The following ASAP1 variants were observed in gnomAD, a reference collection of about 807,000 sequenced individuals.
ASAP1 encodes the protein ArfGAP with SH3 domain, ankyrin repeat and PH domain 1.
In ASAP1, 43 loss-of-function variants were observed where a neutral mutation model predicts 145.2. The ratio of observed to expected loss-of-function variants is 0.30; its 90% CI spans 0.23 to 0.38. The LOEUF is 0.38. Among genes scored for constraint, ASAP1 ranks in the 10% least tolerant of loss-of-function variants. The pLI is 1.00. For synonymous variants in ASAP1, 546 were observed against 515.5 expected, an observed-to-expected ratio of 1.06 and a Z score of -0.80; for missense variants, 1,018 against 1,355.3, an observed-to-expected ratio of 0.75 and a Z score of 3.91.
chr8:130,060,809 C>G lies in ASAP1; in HGVS notation c.2962G>C (p.Asp988His). ...CCCAGCTGTGGTTTGGGGGGCAGGTCCTTCATCTGTGGTTTGGGAGGTAAG... is the reference window on the plus strand; with the variant it reads ...CCCAGCTGTGGTTTGGGGGGCAGGTGCTTCATCTGTGGTTTGGGAGGTAAG... Reference protein sequence around the residue: ...SDLPPKPQMKDLPPKPQLGDL... With the variant: ...SDLPPKPQMKHLPPKPQLGDL... Residue 988 changes from aspartate (D) to histidine (H), a missense_variant, in exon 28 of 30, where the codon GAC (aspartate) becomes CAC (histidine). Physicochemically the swap from Asp to His is moderately conservative, Grantham distance 81 (BLOSUM62 -1). This residue lies in a region of ASAP1 where 139 missense variants were observed against 131.0 expected (regional missense o/e 1.06). Coordinates refer to ENST00000518721, the MANE Select transcript of ASAP1 (RefSeq NM_018482.4). The G allele has an allele frequency of 6.2e-7, 1 of 1,613,966 alleles. No individual in the cohort carries two copies. Among genetic ancestry groups the G allele is most frequent in the Admixed American group, 1.7e-5 (1 of 59,988 alleles).
intron 3 of ASAP1, among the ~76,000 whole-genome samples, chr8:130,330,726 T>C (rs989776403): frequency 2.0e-5 from 3 of 152,198 alleles, no homozygotes; most frequent in Non-Finnish European, 4.4e-5. Context: ...GGTATCTCTA[T>C]GGGGAAAGGG....
intron 18 of ASAP1, among the ~76,000 whole-genome samples, chr8:130,123,256 T>A (rs1359813634): frequency 6.6e-6 from 1 of 152,210 alleles, no homozygotes; most frequent in Non-Finnish European, 1.5e-5. Flanking sequence ...GGTTAATTTG[T>A]TTTTCATAGT....
At chr8:130,328,029 T>C (rs1020446771) in intron 3 of ASAP1, among the ~76,000 whole-genome samples, 4 of 152,098 alleles carry the variant, frequency 2.6e-5, no homozygotes, top group African/African-American at 7.2e-5. Flanking sequence ...GAAAAATATA[T>C]ATATACACAC....
chr8:130,113,340 G>C (rs2135594859), intron 23 of ASAP1, among the ~76,000 whole-genome samples: 1 of 152,244 alleles, frequency 6.6e-6, no homozygotes, highest in East Asian at 1.9e-4. Flanking sequence ...GTTCTGGAAT[G>C]ATGCATTCCA....
intron 17 of ASAP1, among the ~76,000 whole-genome samples, chr8:130,124,374 A>G (rs180734567): frequency 1.4e-4 from 22 of 152,332 alleles, no homozygotes; most frequent in African/African-American, 4.6e-4. Context: ...AAGGAAATCA[A>G]TCATGTCTAC....
chr8:130,068,666 T>C (rs2097435376), intron 27 of ASAP1, among the ~76,000 whole-genome samples: 1 of 152,200 alleles, frequency 6.6e-6, no homozygotes, highest in Non-Finnish European at 1.5e-5. Flanking sequence ...CTGCGGTAAC[T>C]GGCAGCTTGG....
At chr8:130,406,552 G>C (rs1829039240) in intron 1 of ASAP1, among the ~76,000 whole-genome samples, 1 of 150,230 alleles carries the variant, frequency 6.7e-6, no homozygotes, top group Non-Finnish European at 1.5e-5. Context: ...CGCGATCTCT[G>C]CTCACTGCAA....
At chr8:130,097,920 T>C (rs925796169) in intron 24 of ASAP1, among the ~76,000 whole-genome samples, 1 of 152,192 alleles carries the variant, frequency 6.6e-6, no homozygotes, top group Non-Finnish European at 1.5e-5. Flanking sequence ...TGGAAATTCA[T>C]TCACTTATAC....
At chr8:130,201,764 T>A (rs1057236758) in intron 5 of ASAP1, among the ~76,000 whole-genome samples, 3 of 152,240 alleles carry the variant, frequency 2.0e-5, no homozygotes, top group Non-Finnish European at 4.4e-5. Context: ...CATGATCAAC[T>A]TTCAGACCTT....
chr8:130,333,459 C>G (rs1824826366), intron 3 of ASAP1, among the ~76,000 whole-genome samples: 1 of 152,132 alleles, frequency 6.6e-6, no homozygotes, highest in East Asian at 1.9e-4. Flanking sequence ...AAAAAATTAG[C>G]CAGGCATGCT....
At chr8:130,415,777 T>A (rs1829451734) in intron 1 of ASAP1, among the ~76,000 whole-genome samples, 2 of 138,896 alleles carry the variant, frequency 1.4e-5, no homozygotes, top group African/African-American at 2.7e-5. Context: ...TGAAACTCCA[T>A]CTCAAAAAAA....
intron 9 of ASAP1, among the ~76,000 whole-genome samples, chr8:130,176,164 G>A (rs1221193122): frequency 1.3e-5 from 2 of 152,010 alleles, no homozygotes; most frequent in Non-Finnish European, 2.9e-5. Context: ...TCATCCACAC[G>A]GAAGTGTCGT....
At chr8:130,388,005 G>A (rs1449379998) in intron 2 of ASAP1, among the ~76,000 whole-genome samples, 1 of 152,186 alleles carries the variant, frequency 6.6e-6, no homozygotes, top group African/African-American at 2.4e-5. Flanking sequence ...AACATACGGG[G>A]AGCAACCAAA....
intron 3 of ASAP1, among the ~76,000 whole-genome samples, chr8:130,237,286 G>A (rs1226363663): frequency 6.6e-6 from 1 of 152,092 alleles, no homozygotes; most frequent in Non-Finnish European, 1.5e-5. Context: ...AGACACTGAA[G>A]AAATCTTAAG....
At chr8:130,373,849 G>GAAAAAAAAA (rs1170269915) in intron 2 of ASAP1, among the ~76,000 whole-genome samples, 3 of 50,886 alleles carry the variant, frequency 5.9e-5, no homozygotes, top group Non-Finnish European at 8.3e-5. Flanking sequence ...GGAGTCTCCA[G>GAAAAAAAAA]AAAAAAAAAA....
intron 9 of ASAP1, among the ~76,000 whole-genome samples, chr8:130,177,840 A>G (rs917179638): frequency 2.6e-5 from 4 of 152,174 alleles, no homozygotes; most frequent in South Asian, 2.1e-4. Flanking sequence ...CAACACATAC[A>G]AGGTCGCAGG....
At chr8:130,262,168 G>A (rs1461798201) in intron 3 of ASAP1, among the ~76,000 whole-genome samples, 2 of 151,798 alleles carry the variant, frequency 1.3e-5, no homozygotes, top group South Asian at 4.2e-4. Flanking sequence ...AGGCCAAAGT[G>A]GGTGGATCAC....
chr8:130,305,989 C>T (rs569241574), intron 3 of ASAP1, among the ~76,000 whole-genome samples: 25 of 152,194 alleles, frequency 1.6e-4, no homozygotes, highest in Non-Finnish European at 2.9e-4. Flanking sequence ...CCCTTACTTA[C>T]AGTTCCAACA....
intron 3 of ASAP1, among the ~76,000 whole-genome samples, chr8:130,304,240 C>T (rs1822852830): frequency 6.6e-6 from 1 of 151,016 alleles, no homozygotes; most frequent in Admixed American, 6.6e-5. Context: ...TATGTTAGAA[C>T]TGATTATATA....
Sources: allele counts gnomAD v4.1 joint callset (sites outside exome capture counted in the v4.1 genomes callset), GRCh38; gene constraint gnomAD v4.1.1; regional missense constraint gnomAD v4.1.1; transcripts MANE v1.5; gene names NCBI Gene and HGNC (gene_info 2026-07-23, HGNC 2026-07-21).